Variants in GPC6 observed in about 807,000 individuals in gnomAD.
GPC6 encodes the protein glypican-6.
A neutral mutation model predicts 55.2 loss-of-function variants in GPC6; 14 were observed. The observed-to-expected ratio is 0.25, with a 90% confidence interval of 0.17 to 0.40. GPC6 has a LOEUF of 0.40. Among genes scored for constraint, GPC6 ranks in the 10% least tolerant of loss-of-function variants. The pLI is 1.00. For missense variants in GPC6, 641 were observed against 708.5 expected, an observed-to-expected ratio of 0.90 and a Z score of 1.08; for synonymous variants, 278 against 259.6, an observed-to-expected ratio of 1.07 and a Z score of -0.68.
At chr13:93,850,689 G>A (rs982591652) in intron 3 of GPC6, among the ~76,000 whole-genome samples, 83 of 151,996 alleles carry the variant, frequency 5.5e-4, no homozygotes, top group African/African-American at 1.9e-3. Context: ...TGTAAAGAGA[G>A]GAGAAACTTG....
chr13:93,832,178 G>A (rs1163365359), intron 3 of GPC6, among the ~76,000 whole-genome samples: 6 of 104,636 alleles, frequency 5.7e-5, no homozygotes, highest in African/African-American at 1.9e-4. Flanking sequence ...CAATGTTTTA[G>A]ATACCAAAGA....
intron 7 of GPC6, among the ~76,000 whole-genome samples, chr13:94,388,799 C>G (rs929448085): frequency 2.0e-5 from 3 of 152,144 alleles, no homozygotes; most frequent in African/African-American, 7.2e-5. Flanking sequence ...GAGAAATCAT[C>G]TACCCTCATG....
In GPC6 at chr13:93,896,172, C is replaced by T. The variant is rs572376446; in HGVS notation, c.711+65627C>T. On this transcript the variant is annotated intron_variant, in intron 3 of 8. Coordinates refer to ENST00000377047, the MANE Select transcript of GPC6 (RefSeq NM_005708.5). ...CATGTACCCCGATAAATACGTACAG[C>T]TATTATGTGGCCATAAAAATTAACT... Among the ~76,000 whole-genome samples the T allele has an allele frequency of 9.9e-5, 15 of 152,058 alleles. No homozygotes were observed. The East Asian group carries it at 1.9e-3, about 20-fold the overall frequency.
At chr13:94,170,553 G>A (rs975368253) in intron 4 of GPC6, among the ~76,000 whole-genome samples, 1 of 152,184 alleles carries the variant, frequency 6.6e-6, no homozygotes, top group Non-Finnish European at 1.5e-5. Context: ...TTAGCCAGAA[G>A]GCAGAGAAAT....
chr13:93,826,846 C>T (rs964909244), intron 2 of GPC6, among the ~76,000 whole-genome samples: 2 of 152,106 alleles, frequency 1.3e-5, no homozygotes, highest in African/African-American at 2.4e-5. Flanking sequence ...AGTGATCAGG[C>T]CACATCACAC....
At chr13:93,986,294 T>C (rs1009964582) in intron 3 of GPC6, among the ~76,000 whole-genome samples, 1 of 152,218 alleles carries the variant, frequency 6.6e-6, no homozygotes, top group Non-Finnish European at 1.5e-5. Flanking sequence ...TGAGACACTC[T>C]GTTAGACATT....
chr13:93,276,504 G>GTA (rs1337655880), intron 1 of GPC6, among the ~76,000 whole-genome samples: 2 of 97,500 alleles, frequency 2.1e-5, no homozygotes, highest in African/African-American at 4.5e-5. Flanking sequence ...GAGTGTGTGT[G>GTA]TGTGTGTGTG....
intron 7 of GPC6, among the ~76,000 whole-genome samples, chr13:94,392,142 T>A (rs995352767): frequency 4.6e-5 from 7 of 152,102 alleles, no homozygotes; most frequent in Non-Finnish European, 1.0e-4. Context: ...CTTTGGGATA[T>A]CCCAAAGATA....
At chr13:93,368,239 C>G (rs1360280542) in intron 1 of GPC6, among the ~76,000 whole-genome samples, 1 of 151,446 alleles carries the variant, frequency 6.6e-6, no homozygotes, top group African/African-American at 2.4e-5. Context: ...AAACTCCCTC[C>G]GTCCCTCCCT....
intron 2 of GPC6, among the ~76,000 whole-genome samples, chr13:93,741,173 G>T (rs1884188147): frequency 7.3e-6 from 1 of 137,494 alleles, no homozygotes; most frequent in Non-Finnish European, 1.5e-5. Flanking sequence ...GCCCAGGTTG[G>T]AGTGCATCTG....
At chr13:93,754,710 A>C (rs910786718) in intron 2 of GPC6, among the ~76,000 whole-genome samples, 1 of 152,112 alleles carries the variant, frequency 6.6e-6, no homozygotes, top group Non-Finnish European at 1.5e-5. Context: ...TTTAAAAAAA[A>C]AAAACTAAAA....
chr13:93,874,661 A>G (rs1889234705), intron 3 of GPC6, among the ~76,000 whole-genome samples: 1 of 150,450 alleles, frequency 6.6e-6, no homozygotes, highest in Non-Finnish European at 1.5e-5. Flanking sequence ...GTGTCTGTCC[A>G]ACTAGATAGA....
chr13:93,687,191 ATCTT>A (rs1319964444), intron 2 of GPC6, among the ~76,000 whole-genome samples: 1 of 152,080 alleles, frequency 6.6e-6, no homozygotes, highest in Non-Finnish European at 1.5e-5. Flanking sequence ...GTACTGAATT[ATCTT>A]TCTTCTTAGT....
chr13:94,188,743 G>A (rs1889286241), intron 4 of GPC6, among the ~76,000 whole-genome samples: 1 of 152,022 alleles, frequency 6.6e-6, no homozygotes, highest in South Asian at 2.1e-4. Context: ...TGTATCTGGA[G>A]AGGCACTTGC....
chr13:93,910,772 A>C (rs552067780), intron 3 of GPC6, among the ~76,000 whole-genome samples: 56 of 152,344 alleles, frequency 3.7e-4, no homozygotes, highest in South Asian at 1.0e-3. Flanking sequence ...CATTAAATAC[A>C]TCACCAACCC....
intron 2 of GPC6, among the ~76,000 whole-genome samples, chr13:93,687,429 A>G (rs1443649919): frequency 6.6e-6 from 1 of 152,118 alleles, no homozygotes; most frequent in Non-Finnish European, 1.5e-5. Context: ...CATATGAATC[A>G]GTCCCAGCAC....
At chr13:94,254,501 C>G (rs1891448183) in intron 4 of GPC6, among the ~76,000 whole-genome samples, 1 of 151,990 alleles carries the variant, frequency 6.6e-6, no homozygotes, top group South Asian at 2.1e-4. Flanking sequence ...CCACACGCAC[C>G]TTATCTGTGC....
At chr13:93,507,174 A>C (rs1404765672) in intron 1 of GPC6, among the ~76,000 whole-genome samples, 1 of 152,064 alleles carries the variant, frequency 6.6e-6, no homozygotes, top group Non-Finnish European at 1.5e-5. Flanking sequence ...TAAACAGGAA[A>C]GTAGGAAAGT....
intron 6 of GPC6, among the ~76,000 whole-genome samples, chr13:94,313,660 A>G (rs369605733): frequency 3.9e-5 from 6 of 152,336 alleles, no homozygotes; most frequent in Non-Finnish European, 8.8e-5. Flanking sequence ...ATGTTATGCA[A>G]CATGTTTTGG....
Sources: allele counts gnomAD v4.1 joint callset (sites outside exome capture counted in the v4.1 genomes callset), GRCh38; gene constraint gnomAD v4.1.1; transcripts MANE v1.5; gene names NCBI Gene and HGNC (gene_info 2026-07-23, HGNC 2026-07-21).